SHCBP1L: variants seen among roughly 807,000 people sequenced by gnomAD.
SHCBP1L encodes SHC binding and spindle associated 1 like.
In SHCBP1L, 67 loss-of-function variants were observed where a neutral mutation model predicts 62.5. The observed-to-expected ratio is 1.07, with a 90% CI of 0.88 to 1.31. The LOEUF (loss-of-function observed/expected upper bound fraction) is 1.31, where lower values mean the gene tolerates loss of function less well. Among genes scored for constraint, SHCBP1L ranks in the 40% most tolerant of loss-of-function variants. The probability of loss-of-function intolerance (pLI) is 0.00; values close to 1 mark genes in which losing one functional copy is unlikely to be tolerated. For synonymous variants in SHCBP1L, 284 were observed against 289.4 expected, an observed-to-expected ratio of 0.98 and a Z score of 0.19; for missense variants, 823 against 809.8, an observed-to-expected ratio of 1.02 and a Z score of -0.20.
chr1:182,912,391 T>C (rs1469665507), intron 6 of SHCBP1L, among the ~76,000 whole-genome samples: 2 of 152,238 alleles, frequency 1.3e-5, no homozygotes, highest in East Asian at 3.8e-4. Context: ...AGGACTAGGT[T>C]CAGAGAGCCT....
At chr1:182,917,310 T>C (rs1292502548) in intron 6 of SHCBP1L, among the ~76,000 whole-genome samples, 1 of 152,214 alleles carries the variant, frequency 6.6e-6, no homozygotes, top group Non-Finnish European at 1.5e-5. Context: ...AGTGATTTAA[T>C]ATACAAAAAT....
At chr1:182,927,050 C>CTATA (rs58308065) in intron 6 of SHCBP1L, among the ~76,000 whole-genome samples, 20 of 90,578 alleles carry the variant, frequency 2.2e-4, no homozygotes, top group South Asian at 4.8e-4. Flanking sequence ...TTAACTAGCA[C>CTATA]TATATATATA....
intron 6 of SHCBP1L, among the ~76,000 whole-genome samples, chr1:182,914,745 C>G (rs147617901): frequency 1.3e-5 from 2 of 151,922 alleles, no homozygotes; most frequent in Admixed American, 6.6e-5. Flanking sequence ...GTAGGAAAAA[C>G]AGTAGCCAAT....
chr1:182,942,007 T>A, intron 2 of SHCBP1L: 2 of 984,078 alleles, frequency 2.0e-6, no homozygotes, highest in Non-Finnish European at 3.1e-6. Flanking sequence ...CTAGAGCTAC[T>A]AAAAAACTTG....
chr1:182,900,284 A>G (rs747688027), intron 9 of SHCBP1L, 50 bp from the exon 10 acceptor site: 31 of 1,411,642 alleles, frequency 2.2e-5, no homozygotes, highest in Non-Finnish European at 2.9e-5. Context: ...TATTTAAAAA[A>G]TGAAGTAATG....
chr1:182,948,569 T>G (rs534649545), intron 2 of SHCBP1L, among the ~76,000 whole-genome samples: 1 of 152,324 alleles, frequency 6.6e-6, no homozygotes, highest in South Asian at 2.1e-4. Flanking sequence ...ACAGCCTCCA[T>G]AAAGGTATGC....
chr1:182,929,512 G>A (rs1050991843), intron 6 of SHCBP1L, 135 bp downstream of exon 6: 1 of 521,584 alleles, frequency 1.9e-6, no homozygotes. Flanking sequence ...TCTATTATAT[G>A]GCAATAACTG....
Position 182,953,001 on chromosome 1 carries a change from T to C in SHCBP1L, c.133A>G (p.Ile45Val), listed in dbSNP as rs1651845433. The C allele has an allele frequency of 1.3e-6, 2 of 1,542,828 alleles. No homozygotes were observed. Among genetic ancestry groups the C allele is most frequent in the South Asian group, 2.4e-5 (2 of 84,326 alleles). The change falls in exon 1 of 10, where the codon ATC (isoleucine) becomes GTC (valine). Residue 45 changes from isoleucine to valine, a missense_variant. Physicochemically the swap from Ile to Val is conservative, Grantham distance 29 (BLOSUM62 3). Coordinates refer to ENST00000367547, the MANE Select transcript of SHCBP1L (RefSeq NM_030933.4). ...AAATTLKGTA[I>V]PVRSVVASPR... ...GAGGCCACCACCGACCGCACTGGGA[T>C]CGCGGTGCCCTTCAGGGTGGTCGCG... is the stretch of plus-strand genomic sequence containing the variant.
intron 1 of SHCBP1L, 116 bp downstream of exon 1, chr1:182,952,613 G>T (rs1236506114): frequency 4.7e-6 from 6 of 1,265,184 alleles, no homozygotes; most frequent in Admixed American, 3.0e-5. Context: ...TTTTTGAAAC[G>T]CAAGTTTTCG....
intron 6 of SHCBP1L, among the ~76,000 whole-genome samples, chr1:182,906,021 G>A (rs1199050776): frequency 6.6e-6 from 1 of 152,044 alleles, no homozygotes; most frequent in African/African-American, 2.4e-5. Flanking sequence ...TGCAACCCCT[G>A]CCTCCCGGAT....
chr1:182,912,892 T>G (rs1650234083), intron 6 of SHCBP1L, among the ~76,000 whole-genome samples: 2 of 151,628 alleles, frequency 1.3e-5, no homozygotes, highest in African/African-American at 4.8e-5. Flanking sequence ...ATCCTAGCAC[T>G]TTGGGAGGCT....
At chr1:182,918,177 TACATATATATAC>T (rs1298413666) in intron 6 of SHCBP1L, among the ~76,000 whole-genome samples, 1 of 146,328 alleles carries the variant, frequency 6.8e-6, no homozygotes, top group Non-Finnish European at 1.5e-5. Flanking sequence ...CACACATATA[TACATATATATAC>T]ACATATATAT....
chr1:182,952,871 G>A lies in SHCBP1L; in HGVS notation c.263C>T (p.Ala88Val). The change falls in exon 1 of 10, where the codon GCG becomes GTG. Residue 88 changes from alanine (A) to valine (V), a missense_variant. Transcript: ENST00000367547. ...AEDTGEAAAA[A>V]AEEPLLPVPE... The stretch of plus-strand genomic sequence containing the variant: ...CACTGGCAGCAGGGGCTCCTCCGCC[G>A]CCGCCGCCGCCGCCTCTCCCGTGTC... 6.3e-7 allele frequency: 1 copy of A among 1,587,390 alleles called. No homozygotes were observed. The highest frequency in any genetic ancestry group is 8.6e-7 in the Non-Finnish European group (1 of 1,168,144).
chr1:182,915,539 G>A (rs1293984518), intron 6 of SHCBP1L, among the ~76,000 whole-genome samples: 1 of 151,978 alleles, frequency 6.6e-6, no homozygotes, highest in African/African-American at 2.4e-5. Flanking sequence ...CTAGACAGAA[G>A]AACAATAAGG....
chr1:182,905,712 TCA>T, intron 6 of SHCBP1L, 63 bp from the exon 7 acceptor site: 1 of 1,506,782 alleles, frequency 6.6e-7, no homozygotes, highest in South Asian at 1.2e-5. Context: ...GTCATTTTAA[TCA>T]GTTACTTACT....
rs1557997107 is a variant in SHCBP1L, at chr1:182,924,942, GA to G, written c.1182+4704del. Among the ~76,000 whole-genome samples the G allele has an allele frequency of 3.0e-3, 310 of 104,586 alleles. 5 individuals are homozygous for G. The highest frequency in any genetic ancestry group is 0.013 in the African/African-American group (295 of 23,482). 68.6% of individuals were successfully genotyped at this position (104,586 alleles called of 152,430 possible). A position where few individuals can be genotyped will look rare whatever the true frequency, so the allele number is the denominator to read the frequency against. The stretch of plus-strand genomic sequence containing the variant: ...AGGAAGGAAGGAAGGAAGGAAGAAA[GA>G]AAGAAAGAAAGAAAGAAAGAAAGAA... On this transcript the variant is annotated intron_variant, in intron 6 of 9. Coordinates refer to ENST00000367547, the MANE Select transcript of SHCBP1L (RefSeq NM_030933.4).
chr1:182,952,582 T>C (rs946438397), intron 1 of SHCBP1L, 147 bp downstream of exon 1: 1 of 929,754 alleles, frequency 1.1e-6, no homozygotes, highest in Non-Finnish European at 1.6e-6. Flanking sequence ...GAACGCTCTA[T>C]ACATGTTGAC....
intron 6 of SHCBP1L, among the ~76,000 whole-genome samples, chr1:182,909,408 A>G (rs928320795): frequency 6.6e-6 from 1 of 152,218 alleles, no homozygotes; most frequent in Non-Finnish European, 1.5e-5. Context: ...AGAACAGAAC[A>G]CTGAGGAATA....
At chr1:182,930,348 C>T (rs1009652632) in intron 5 of SHCBP1L, among the ~76,000 whole-genome samples, 1 of 151,460 alleles carries the variant, frequency 6.6e-6, no homozygotes, top group African/African-American at 2.4e-5. Flanking sequence ...GTTCGTATCT[C>T]TATCATTTAA....
Sources: allele counts gnomAD v4.1 joint callset (sites outside exome capture counted in the v4.1 genomes callset), GRCh38; gene constraint gnomAD v4.1.1; transcripts MANE v1.5; gene names NCBI Gene and HGNC (gene_info 2026-07-23, HGNC 2026-07-21).